The following TFAP2A variants were observed in gnomAD, a reference collection of about 807,000 sequenced individuals.
TFAP2A encodes the protein transcription factor AP-2-alpha.
In TFAP2A, 7 loss-of-function variants were observed where a neutral mutation model predicts 41.5. The ratio of observed to expected loss-of-function variants is 0.17; its 90% CI spans 0.10 to 0.32. TFAP2A has a LOEUF of 0.32. TFAP2A is among the 10% of genes least tolerant of loss of function. The probability of loss-of-function intolerance (pLI) is 1.00; values close to 1 mark genes in which losing one functional copy is unlikely to be tolerated. For synonymous variants in TFAP2A, 247 were observed against 242.8 expected (o/e 1.02, Z -0.16); for missense variants, 416 against 563.3 (o/e 0.74, Z 2.65).
chr6:10,409,811 G>C, intron 2 of TFAP2A, 90 bp downstream of exon 2: 1 of 1,448,864 alleles, frequency 6.9e-7, no homozygotes, highest in Non-Finnish European at 9.4e-7. Flanking sequence ...GGAGAACCCG[G>C]GCCCACCGAC....
chr6:10,402,440 A>G, intron 5 of TFAP2A, 52 bp downstream of exon 5: 1 of 1,321,688 alleles, frequency 7.6e-7, no homozygotes, highest in Non-Finnish European at 1.1e-6. Flanking sequence ...ACTAAATATT[A>G]TCCATTTTCC....
At chr6:10,412,017 T>G in intron 1 of TFAP2A, 1 of 1,064,110 alleles carries the variant, frequency 9.4e-7, no homozygotes, top group Non-Finnish European at 1.1e-6. Flanking sequence ...TCCTGGAGCC[T>G]CCTAATAGCA....
chr6:10,406,868 A>T, intron 2 of TFAP2A, 24 bp from the exon 3 acceptor site: 1 of 1,582,794 alleles, frequency 6.3e-7, no homozygotes, highest in Non-Finnish European at 8.7e-7. Context: ...ATACACATGG[A>T]TGTAAGTGTA....
chr6:10,404,760 C>T (rs1757623391), intron 3 of TFAP2A, 21 bp from the exon 4 acceptor site: 1 of 1,608,424 alleles, frequency 6.2e-7, no homozygotes, highest in Non-Finnish European at 8.5e-7. Context: ...AGAGGGGAGG[C>T]CGCGTGTTGG....
intron 1 of TFAP2A, chr6:10,411,813 G>A: frequency 1.4e-6 from 2 of 1,435,704 alleles, no homozygotes; most frequent in Admixed American, 2.9e-5. Context: ...CCTTCAGCTG[G>A]TCGAACCCAC....
At chr6:10,417,665 G>A (rs915947535), upstream of TFAP2A, among the ~76,000 whole-genome samples, 1 of 152,148 alleles carries the variant, frequency 6.6e-6, no homozygotes, top group Non-Finnish European at 1.5e-5. Flanking sequence ...GAGACAGTGA[G>A]GGGCCAGAAC....
Position 10,410,088 on chromosome 6 carries a change from C to A in TFAP2A, c.299G>T (p.Gly100Val). Residue 100 changes from glycine to valine, a missense_variant, in exon 2 of 7, where the codon GGC (glycine) becomes GTC (valine). By Grantham distance (109) the Gly-to-Val change is moderately radical. This residue lies in a region of TFAP2A where 241 missense variants were observed against 274.1 expected (regional missense o/e 0.88). Coordinates refer to ENST00000379613, the MANE Select transcript of TFAP2A (RefSeq NM_001372066.1). Reference protein sequence around the residue: ...QPQPQHPGWPGQRQSQESGLL... With the variant: ...QPQPQHPGWPVQRQSQESGLL... ...CCCAGACTCCTGGCTCTGCCTCTGG[C>A]CGGGCCAGCCTGGGTGCTGCGGCTG... The A allele has an allele frequency of 6.2e-7, 1 of 1,612,932 alleles. No homozygotes were observed.
intron 2 of TFAP2A, chr6:10,407,377 A>G (rs962485491): frequency 1.3e-5 from 2 of 154,642 alleles, no homozygotes; most frequent in African/African-American, 4.8e-5. Context: ...TAGAAAGACT[A>G]CTGCCTAAGC....
chr6:10,398,417 T>A lies in TFAP2A; in HGVS notation c.1320A>T (p.Ter440CysextTer135). ...GGAGGGGCGGGGCGGGAGGAGAGCC[T>A]CACTTTCTGTGCTTCTCCTCTTTGT... ...SSDKEEKHRK[*>C] Residue 440 changes from the stop codon to cysteine (C), a stop_lost, in exon 7 of 7, where the codon TGA (stop) becomes TGT (cysteine). Transcript: ENST00000379613. This position sits in a 1 kb window ranked among gnomAD's most constrained non-coding sequence, Gnocchi z 5.3. 1 of 1,613,894 alleles carries A rather than the reference T, an allele frequency of 6.2e-7. No individual in the cohort carries two copies. Among genetic ancestry groups the A allele is most frequent in the Non-Finnish European group, 8.5e-7 (1 of 1,180,022 alleles).
At chr6:10,412,697 GC>G in intron 1 of TFAP2A, 1 of 336,750 alleles carries the variant, frequency 3.0e-6, no homozygotes. Flanking sequence ...GCGCTTCCCG[GC>G]CCTGTCTGGC....
chr6:10,410,461 A>G, intron 1 of TFAP2A, 126 bp from the exon 2 acceptor site: 1 of 877,556 alleles, frequency 1.1e-6, no homozygotes, highest in Admixed American at 2.0e-5. Flanking sequence ...GCCGCCGGGA[A>G]AAAATCAGCT....
At chr6:10,400,368 G>A (rs1488453823) in intron 6 of TFAP2A, 80 bp downstream of exon 6, 11 of 1,566,828 alleles carry the variant, frequency 7.0e-6, no homozygotes, top group Middle Eastern at 1.7e-4. Context: ...AAACAAGGGA[G>A]AAGGAAGAGC....
rs1032143091 is a variant in TFAP2A, at chr6:10,404,181, G to T, written c.770+327C>A. 2.0e-5 allele frequency among the ~76,000 whole-genome samples: 3 copies of T among 152,346 alleles called. 1 individual carries two copies. The East Asian group carries it at 5.8e-4, about 29-fold the overall frequency. On this transcript the variant is annotated intron_variant, in intron 4 of 6. Coordinates refer to ENST00000379613, the MANE Select transcript of TFAP2A (RefSeq NM_001372066.1). ...GGCGCCCCGCGGCTGCAGTGGCCGG[G>T]ATTGAGCCCGCGGCGGAGCGAGCTG...
chr6:10,415,149 AAGGAGG>A (rs984530947), upstream of TFAP2A: 2 of 1,511,586 alleles, frequency 1.3e-6, no homozygotes, highest in East Asian at 2.5e-5. Flanking sequence ...GGAGGAGGGC[AAGGAGG>A]AGGAGGAGGA....
At chr6:10,418,346 A>G (rs939002974), upstream of TFAP2A, 1 of 152,246 alleles carries the variant, frequency 6.6e-6, no homozygotes, top group Non-Finnish European at 1.5e-5. Context: ...GAAACAAGAG[A>G]AAGAACTCGA....
chr6:10,415,162 A>G (rs1758195120), upstream of TFAP2A: 5 of 1,510,040 alleles, frequency 3.3e-6, no homozygotes, highest in Non-Finnish European at 4.4e-6. Flanking sequence ...GAGGAGGAGG[A>G]GGAAGAGGAG....
intron 1 of TFAP2A, chr6:10,411,440 G>C: frequency 6.7e-7 from 1 of 1,483,088 alleles, no homozygotes; most frequent in Non-Finnish European, 9.4e-7. Context: ...TGGGGTGGGG[G>C]ATGCAAATGG....
intron 4 of TFAP2A, among the ~76,000 whole-genome samples, chr6:10,404,044 G>A (rs1757550405): frequency 6.6e-6 from 1 of 152,162 alleles, no homozygotes. Context: ...TACAAGGCAC[G>A]ACCGGTTACC....
rs1762032974 is a variant in TFAP2A, at chr6:10,402,144, T to C, written c.889+348A>G. 8.0e-6 allele frequency: 3 copies of C among 376,922 alleles called. No homozygotes were observed. In the Admixed American group the frequency reaches 1.1e-4, roughly 13 times the overall value. 23.3% of individuals were successfully genotyped at this position (376,922 alleles called of 1,614,324 possible). On this transcript the variant is annotated intron_variant, in intron 5 of 6. Coordinates refer to ENST00000379613, the MANE Select transcript of TFAP2A (RefSeq NM_001372066.1). The stretch of plus-strand genomic sequence containing the variant: ...TAATTCAGGAAGTAATGGTCACGCA[T>C]TTCTCAAACGCAGATGTCAGAATAA...
Sources: gnomAD v4.1 joint callset for allele counts (sites outside exome capture counted in the v4.1 genomes callset) on GRCh38, gnomAD v4.1.1 for gene constraint, gnomAD v4.1.1 regional missense constraint, Gnocchi (gnomAD v3.1) non-coding constraint, MANE v1.5 for transcripts, NCBI Gene and HGNC (gene_info 2026-07-23, HGNC 2026-07-21) for gene names.